MPPE1: variants seen among roughly 807,000 people sequenced by gnomAD.
The protein encoded by MPPE1 is metallo phosphoesterase.
Under a neutral mutation model 43.8 loss-of-function variants are expected in MPPE1, and 28 were observed. The ratio of observed to expected loss-of-function variants is 0.64; its 90% CI spans 0.47 to 0.88. The LOEUF (loss-of-function observed/expected upper bound fraction) is 0.88, where lower values mean the gene tolerates loss of function less well. Ranked by LOEUF, MPPE1 falls within the 40% of genes least tolerant of loss-of-function variation. MPPE1 has a pLI of 0.00. For missense variants in MPPE1, 428 were observed against 492.2 expected (o/e 0.87, Z 1.23); for synonymous variants, 159 against 188.5 (o/e 0.84, Z 1.28).
At position 11,886,394 on chromosome 18, in the gene MPPE1, C is replaced by T. The variant is rs2037251493; in HGVS notation, c.867+105G>A. The T allele has an allele frequency of 2.6e-6, 4 of 1,524,214 alleles. No homozygotes were observed. Among genetic ancestry groups the T allele is most frequent in the Non-Finnish European group, 2.7e-6 (3 of 1,105,924 alleles). The allele number at this position is 1,524,214 out of a possible 1,614,324, so 94.4% of individuals were successfully genotyped here. A position where few individuals can be genotyped will look rare whatever the true frequency, so the allele number is the denominator to read the frequency against. ...CCCCAGGTGATAACTAAGTCATGAA[C>T]GTTTCAGCAAACACCTGCTCTAGCC... is the stretch of plus-strand genomic sequence containing the variant. On this transcript the variant is annotated intron_variant, in intron 9 of 10. Transcript: ENST00000588072. The surrounding 1 kb of genome is among the most constrained non-coding windows in gnomAD (Gnocchi z 4.1).
intron 2 of MPPE1, among the ~76,000 whole-genome samples, chr18:11,903,684 T>C (rs1437937455): frequency 6.6e-6 from 1 of 152,154 alleles, no homozygotes; most frequent in African/African-American, 2.4e-5. Context: ...CAGGTGCCTA[T>C]AGTCCCAGCT....
At chr18:11,890,511 T>G (rs909524282) in intron 4 of MPPE1, among the ~76,000 whole-genome samples, 71 of 152,174 alleles carry the variant, frequency 4.7e-4, no homozygotes, top group African/African-American at 1.7e-3. Flanking sequence ...GGTTTCGCCA[T>G]GTTGGCCAGG....
intron 4 of MPPE1, 76 bp downstream of exon 4, chr18:11,893,392 C>G (rs673735): frequency 9.9e-7 from 1 of 1,014,808 alleles, no homozygotes; most frequent in Non-Finnish European, 1.5e-6. Flanking sequence ...CAAGCTGACA[C>G]TGATTCGTGG....
chr18:11,906,043 A>G (rs148190412), intron 2 of MPPE1, 160 bp downstream of exon 2: 8 of 152,286 alleles, frequency 5.3e-5, no homozygotes, highest in African/African-American at 1.9e-4. Context: ...CCCAAGTTCA[A>G]TTTATCAGTC....
At chr18:11,906,969 T>TA (rs2039784847) in intron 1 of MPPE1, among the ~76,000 whole-genome samples, 1 of 152,146 alleles carries the variant, frequency 6.6e-6, no homozygotes, top group African/African-American at 2.4e-5. Context: ...AATGAAATCC[T>TA]AAGACCCCTC....
Position 11,892,547 on chromosome 18 carries a change from G to A in MPPE1, c.390+921C>T, listed in dbSNP as rs111853390. 7.4e-3 allele frequency among the ~76,000 whole-genome samples: 1,115 copies of A among 151,512 alleles called. 11 individuals carry two copies. The highest frequency in any genetic ancestry group is 0.026 in the African/African-American group (1,061 of 41,304). ...AGCCGGGCGTGGTGACACAGGAAATGCCTGTAATCCTAGCACACAGGAGGC... is the reference window on the plus strand; with the variant it reads ...AGCCGGGCGTGGTGACACAGGAAATACCTGTAATCCTAGCACACAGGAGGC... On this transcript the variant is annotated intron_variant, in intron 4 of 10. Coordinates refer to ENST00000588072, the MANE Select transcript of MPPE1 (RefSeq NM_023075.6).
intron 1 of MPPE1, 107 bp from the exon 2 acceptor site, chr18:11,906,416 G>A (rs2039715024): frequency 6.6e-6 from 1 of 152,128 alleles, no homozygotes; most frequent in Non-Finnish European, 1.5e-5. Context: ...AAGCTGAGAA[G>A]CTAAAGAAAC....
chr18:11,893,621 G>A, intron 3 of MPPE1, 45 bp from the exon 4 acceptor site: 1 of 1,488,862 alleles, frequency 6.7e-7, no homozygotes, highest in Non-Finnish European at 9.4e-7. Flanking sequence ...TCTTTCCTAG[G>A]TGGAGGCTAC....
chr18:11,887,317 A>G (rs2037434187), intron 6 of MPPE1, among the ~76,000 whole-genome samples: 1 of 151,806 alleles, frequency 6.6e-6, no homozygotes, highest in South Asian at 2.1e-4. Context: ...CTCATCCTCC[A>G]ACCAGAACCT....
Position 11,889,396 on chromosome 18 carries a change from A to T in MPPE1, c.485T>A (p.Phe162Tyr), listed in dbSNP as rs1567936774. ...TTTGTGAACTACTTACTCATAATGG[A>T]AGCCAATGTCATGGTTTCCAGCAAC... is the stretch of plus-strand genomic sequence containing the variant. ...KVVAGNHDIG[F>Y]HYEMNTYKVE... The change falls in exon 5 of 11, where the codon TTC becomes TAC. Residue 162 changes from phenylalanine (F) to tyrosine (Y), a missense_variant. By Grantham distance (22) the Phe-to-Tyr change is conservative (BLOSUM62 3). This residue lies in a region of MPPE1 where 379 missense variants were observed against 402.5 expected (regional missense o/e 0.94). Transcript: ENST00000588072. 1 of 1,609,818 alleles carries T rather than the reference A, an allele frequency of 6.2e-7. No individual in the cohort carries two copies. Among genetic ancestry groups the T allele is most frequent in the Non-Finnish European group, 8.5e-7 (1 of 1,177,128 alleles).
chr18:11,889,815 G>A lies in MPPE1; in HGVS notation c.391-325C>T, dbSNP rs548095553. On this transcript the variant is annotated intron_variant, in intron 4 of 10. Transcript: ENST00000588072. ...TCTCGATCTCCTGACCTCGTGATCC[G>A]CCCGCCTCAGCCTCCCAAAGTGCTG... 2.0e-3 allele frequency among the ~76,000 whole-genome samples: 302 copies of A among 151,926 alleles called. 1 individual carries two copies. Among genetic ancestry groups the A allele is most frequent in the African/African-American group, 6.8e-3 (283 of 41,430 alleles).
chr18:11,899,065 G>A (rs556792124), intron 2 of MPPE1, among the ~76,000 whole-genome samples: 4 of 146,152 alleles, frequency 2.7e-5, no homozygotes, highest in East Asian at 2.0e-4. Flanking sequence ...GTGCCACCAC[G>A]CCCAGCTAAT....
rs1203754882 is a variant in MPPE1 at position 11,890,147 on chromosome 18, T to C, written c.391-657A>G. On this transcript the variant is annotated intron_variant, in intron 4 of 10. Transcript: ENST00000588072. ...TTAGTAGAGACGGGGTTTCACTGTG[T>C]TAGCCAGGATGGTCGCGATCTCCTG... Among the ~76,000 whole-genome samples, 5 of 151,400 alleles carry C rather than the reference T, an allele frequency of 3.3e-5. No homozygotes were observed. The East Asian group carries it at 5.9e-4, about 18-fold the overall frequency.
intron 4 of MPPE1, among the ~76,000 whole-genome samples, chr18:11,890,759 C>G (rs1304087852): frequency 6.6e-6 from 1 of 152,172 alleles, no homozygotes; most frequent in East Asian, 1.9e-4. Context: ...TCTGGGCATG[C>G]TATAAGAACA....
At chr18:11,884,730 A>T in intron 10 of MPPE1, 103 bp from the exon 11 acceptor site, 14 of 1,344,350 alleles carry the variant, frequency 1.0e-5, no homozygotes, top group Admixed American at 2.2e-5. Flanking sequence ...GGTCCCCCTC[A>T]GGTGAGGCAG....
intron 2 of MPPE1, among the ~76,000 whole-genome samples, chr18:11,898,076 TG>T (rs1688413591): frequency 6.6e-6 from 1 of 152,168 alleles, no homozygotes; most frequent in Non-Finnish European, 1.5e-5. Flanking sequence ...TGTTTTGTTT[TG>T]TTTTGTTTTT....
Position 11,897,912 on chromosome 18 carries a change from T to C in MPPE1, c.-92-556A>G, listed in dbSNP as rs1023996166. Among the ~76,000 whole-genome samples, 3 of 152,240 alleles carry C rather than the reference T, an allele frequency of 2.0e-5. No individual in the cohort carries two copies. In the East Asian group the frequency reaches 5.8e-4, roughly 29 times the overall value. On this transcript the variant is annotated intron_variant, in intron 2 of 10. Coordinates refer to ENST00000588072, the MANE Select transcript of MPPE1 (RefSeq NM_023075.6). ...GGACCCAGAGGCCAGGATCTGACAGTGAAACCACCTTTGCAAAATTATAAC... is the reference window on the plus strand; with the variant it reads ...GGACCCAGAGGCCAGGATCTGACAGCGAAACCACCTTTGCAAAATTATAAC...
At position 11,889,430 on chromosome 18, in the gene MPPE1, G is replaced by C. The variant is rs2037711700; in HGVS notation, c.451C>G (p.Leu151Val). The part of the protein sequence containing the change: ...KMFRHPSHVQ[L>V]KVVAGNHDIG... The stretch of plus-strand genomic sequence containing the variant: ...TCATGGTTTCCAGCAACTACCTTCA[G>C]CTGTACATGACTTGGGTGTCTGAAC... The change falls in exon 5 of 11, where the codon CTG (leucine) becomes GTG (valine). Residue 151 changes from leucine (L) to valine (V), a missense_variant. Coordinates refer to ENST00000588072, the MANE Select transcript of MPPE1 (RefSeq NM_023075.6). 6.2e-7 allele frequency: 1 copy of C among 1,613,250 alleles called. No homozygotes were observed. The highest frequency in any genetic ancestry group is 1.7e-5 in the Admixed American group (1 of 59,896).
Position 11,886,610 on chromosome 18 carries a change from C to A in MPPE1, c.756G>T (p.Leu252=), listed in dbSNP as rs528104626. The change falls in exon 9 of 11, where the codon CTG becomes CTT. Residue 252 remains leucine, a synonymous_variant. Transcript: ENST00000588072. The surrounding 1 kb of genome is among the most constrained non-coding windows in gnomAD (Gnocchi z 4.1). ...AACAGTTAGCATCACTTCTCCGATA[C>A]AGAGGATAATGCTGTCCGGGGTGGA... ...SAPVLLQHYP[L]YRRSDANCSG... is the part of the protein sequence containing the mutation. The A allele has an allele frequency of 5.6e-5, 91 of 1,614,180 alleles. No homozygotes were observed. The East Asian group carries it at 2.0e-3, about 35-fold the overall frequency.
Sources: gnomAD v4.1 joint callset for allele counts (sites outside exome capture counted in the v4.1 genomes callset) on GRCh38, gnomAD v4.1.1 for gene constraint, gnomAD v4.1.1 regional missense constraint, Gnocchi (gnomAD v3.1) non-coding constraint, MANE v1.5 for transcripts, NCBI Gene and HGNC (gene_info 2026-07-23, HGNC 2026-07-21) for gene names.